Variants in IGSF23 observed in about 807,000 individuals in gnomAD.
The protein encoded by IGSF23 is immunoglobulin superfamily, member 23.
IGSF23 carries 14 observed loss-of-function variants against 17.8 expected under a neutral mutation model. That is an observed-to-expected ratio of 0.79 (90% CI 0.52 to 1.23). The LOEUF is 1.23. IGSF23 is among the 50% of genes most tolerant of loss of function. The probability of loss-of-function intolerance (pLI) is 0.00; values close to 1 mark genes in which losing one functional copy is unlikely to be tolerated. For missense variants in IGSF23, 214 were observed against 241.7 expected, an observed-to-expected ratio of 0.89 and a Z score of 0.76; for synonymous variants, 85 against 92.5, an observed-to-expected ratio of 0.92 and a Z score of 0.46.
Position 44,613,576 on chromosome 19 carries a change from G to C in IGSF23, c.-70G>C. 1 of 1,476,368 alleles carries C rather than the reference G, an allele frequency of 6.8e-7. No individual in the cohort carries two copies. Among genetic ancestry groups the C allele is most frequent in the Non-Finnish European group, 9.1e-7 (1 of 1,104,456 alleles). The allele number at this position is 1,476,368 out of a possible 1,614,324, so 91.5% of individuals were successfully genotyped here. On this transcript the variant is annotated 5_prime_UTR_variant, in exon 1 of 5. Transcript: ENST00000402988. The stretch of plus-strand genomic sequence containing the variant: ...TGACCTTTGGCCATTCCTTGCCTTT[G>C]ATGTGAGTGATAGGAGCGGGCGATT...
chr19:44,615,347 G>A (rs1972348376), intron 1 of IGSF23, among the ~76,000 whole-genome samples: 1 of 151,656 alleles, frequency 6.6e-6, no homozygotes, highest in African/African-American at 2.4e-5. Context: ...GGGTGCAGTG[G>A]CTGGGATTAC....
rs535988592 is a variant in IGSF23 at position 44,624,920 on chromosome 19, A to C, written c.391+948A>C. ...CTACCAAAAAAAAAAAAAAAAAAAA[A>C]AACTAAAAATTTAATCAGGCATGGT... On this transcript the variant is annotated intron_variant, in intron 2 of 4. Transcript: ENST00000402988. Among the ~76,000 whole-genome samples, 7 of 151,174 alleles carry C rather than the reference A, an allele frequency of 4.6e-5. No individual in the cohort carries two copies. In the East Asian group the frequency reaches 7.8e-4, roughly 17 times the overall value.
intron 1 of IGSF23, among the ~76,000 whole-genome samples, chr19:44,618,865 A>T (rs180959769): frequency 6.6e-6 from 1 of 152,186 alleles, no homozygotes. Flanking sequence ...AACAGGAAGG[A>T]AAAAGGCCCC....
intron 1 of IGSF23, among the ~76,000 whole-genome samples, chr19:44,618,572 C>G (rs1423701456): frequency 6.6e-6 from 1 of 152,184 alleles, no homozygotes; most frequent in Non-Finnish European, 1.5e-5. Context: ...TCTAGCTGGA[C>G]AGTTGTTGTG....
At chr19:44,633,087 C>T (rs1972804891) in intron 3 of IGSF23, among the ~76,000 whole-genome samples, 1 of 152,236 alleles carries the variant, frequency 6.6e-6, no homozygotes, top group African/African-American at 2.4e-5. Context: ...TATTACTAGA[C>T]CCATCTGTAA....
rs55791016 is a variant in IGSF23 at position 44,621,157 on chromosome 19, C to T, written c.126-2550C>T. Among the ~76,000 whole-genome samples, 761 of 151,728 alleles carry T rather than the reference C, an allele frequency of 5.0e-3. 4 individuals carry two copies. Among genetic ancestry groups the T allele is most frequent in the Non-Finnish European group, 6.9e-3 (471 of 67,928 alleles). On this transcript the variant is annotated intron_variant, in intron 1 of 4. Transcript: ENST00000402988. ...AATTAGCCAAGCCTGGTGATGTGCG[C>T]CCATAGTCCCAGCTACTCAGGAGGC...
chr19:44,624,892 T>A (rs1370493329), intron 2 of IGSF23, among the ~76,000 whole-genome samples: 12 of 121,858 alleles, frequency 9.8e-5, no homozygotes, highest in African/African-American at 3.9e-4. Flanking sequence ...TGAGACCCTG[T>A]CTCTACCAAA....
In IGSF23 at chr19:44,628,726, C is replaced by T. The variant is rs1351245571; in HGVS notation, c.545+1153C>T. Among the ~76,000 whole-genome samples the T allele has an allele frequency of 2.0e-5, 3 of 152,252 alleles. No individual in the cohort carries two copies. In the East Asian group the frequency reaches 5.8e-4, roughly 29 times the overall value. ...TAGGATCATGCCACTGCACTCCACA[C>T]TGGACACAGAGTGAGACCCTGAGTC... is the stretch of plus-strand genomic sequence containing the variant. On this transcript the variant is annotated intron_variant, in intron 3 of 4. Transcript: ENST00000402988.
intron 1 of IGSF23, among the ~76,000 whole-genome samples, chr19:44,619,067 A>T (rs1029932867): frequency 6.6e-6 from 1 of 152,108 alleles, no homozygotes; most frequent in African/African-American, 2.4e-5. Flanking sequence ...TCAGCTTCTA[A>T]GGAGCCCTCA....
In IGSF23 at chr19:44,632,296, T is replaced by C. The variant is rs1003024789; in HGVS notation, c.546-3105T>C. On this transcript the variant is annotated intron_variant, in intron 3 of 4. Transcript: ENST00000402988. ...TGAATATGCCTAATAAGTATAATTGTTCTCTGTGTCAGCCCTTCTTTAAGG... is the reference window on the plus strand; with the variant it reads ...TGAATATGCCTAATAAGTATAATTGCTCTCTGTGTCAGCCCTTCTTTAAGG... The C allele has an allele frequency of 9.7e-5, 19 of 195,476 alleles. 1 individual carries two copies. The highest frequency in any genetic ancestry group is 4.1e-4 in the African/African-American group (17 of 41,850). The allele number at this position is 195,476 out of a possible 1,614,324, so 12.1% of individuals were successfully genotyped here.
chr19:44,635,513 A>G, intron 4 of IGSF23, 48 bp downstream of exon 4: 1 of 1,379,262 alleles, frequency 7.3e-7, no homozygotes, highest in Non-Finnish European at 1.0e-6. Context: ...GGGAACAGAA[A>G]GAAGTTCTTG....
chr19:44,626,682 G>A (rs1281504991), intron 2 of IGSF23, among the ~76,000 whole-genome samples: 1 of 152,200 alleles, frequency 6.6e-6, no homozygotes, highest in African/African-American at 2.4e-5. Context: ...TGGGTCACTT[G>A]AGGCTAGGAG....
chr19:44,630,007 T>A (rs1188730478), intron 3 of IGSF23, among the ~76,000 whole-genome samples: 1 of 151,992 alleles, frequency 6.6e-6, no homozygotes, highest in Non-Finnish European at 1.5e-5. Flanking sequence ...AGAGTAGTGA[T>A]CTGCCCAGGG....
intron 3 of IGSF23, among the ~76,000 whole-genome samples, chr19:44,629,433 C>T (rs1384773605): frequency 1.3e-5 from 2 of 151,472 alleles, no homozygotes; most frequent in African/African-American, 4.9e-5. Flanking sequence ...TATGGTAGCA[C>T]GTACCTATAG....
chr19:44,615,716 G>A (rs1972358789), intron 1 of IGSF23, among the ~76,000 whole-genome samples: 1 of 151,848 alleles, frequency 6.6e-6, no homozygotes, highest in South Asian at 2.1e-4. Context: ...GCTCAGGCAG[G>A]TGTCACACTG....
chr19:44,620,524 G>A (rs942596673), intron 1 of IGSF23, among the ~76,000 whole-genome samples: 4 of 151,848 alleles, frequency 2.6e-5, no homozygotes, highest in Non-Finnish European at 5.9e-5. Flanking sequence ...CCGCCACCAC[G>A]CCCGGCTAAT....
chr19:44,623,750 G>A lies in IGSF23; in HGVS notation c.169G>A (p.Gly57Arg). 1 of 1,551,098 alleles carries A rather than the reference G, an allele frequency of 6.4e-7. No homozygotes were observed. Among genetic ancestry groups the A allele is most frequent in the Non-Finnish European group, 8.7e-7 (1 of 1,147,108 alleles). Residue 57 changes from glycine (G) to arginine (R), a missense_variant, in exon 2 of 5, where the codon GGA (glycine) becomes AGA (arginine). Coordinates refer to ENST00000402988, the MANE Select transcript of IGSF23 (RefSeq NM_001205280.2). The stretch of plus-strand genomic sequence containing the variant: ...GAAGACATTCCCAGCTGCTATCCGG[G>A]GAGTCATCCAGAGTGAGCTCAACTA... ...PLKTFPAAIRGVIQSELNYSV... is the reference protein window; with the variant it reads ...PLKTFPAAIRRVIQSELNYSV...
At chr19:44,626,138 G>A (rs965694851) in intron 2 of IGSF23, among the ~76,000 whole-genome samples, 1 of 152,104 alleles carries the variant, frequency 6.6e-6, no homozygotes, top group Non-Finnish European at 1.5e-5. Flanking sequence ...AGGGTATTTG[G>A]GGTAGGAAAG....
intron 3 of IGSF23, chr19:44,632,330 C>T (rs546809338): frequency 3.4e-5 from 6 of 174,906 alleles, no homozygotes; most frequent in South Asian, 1.2e-4. Flanking sequence ...GGAATACTCA[C>T]GGCAATGGTG....
Sources: allele counts gnomAD v4.1 joint callset (sites outside exome capture counted in the v4.1 genomes callset), GRCh38; gene constraint gnomAD v4.1.1; transcripts MANE v1.5; gene names NCBI Gene and HGNC (gene_info 2026-07-23, HGNC 2026-07-21).